TAF1B: variants seen among roughly 807,000 people sequenced by gnomAD.
The protein encoded by TAF1B is TATA-box binding protein associated factor, RNA polymerase I subunit B, also known as TATA box-binding protein-associated factor RNA polymerase I subunit B.
TAF1B carries 61 observed loss-of-function variants against 83.9 expected under a neutral mutation model. The ratio of observed to expected loss-of-function variants is 0.73; its 90% CI spans 0.59 to 0.90. TAF1B has a LOEUF of 0.90. TAF1B is among the 40% of genes least tolerant of loss of function. The pLI, the probability that TAF1B is intolerant of heterozygous loss-of-function variation, is 0.00. For missense variants in TAF1B, 625 were observed against 677.0 expected, an observed-to-expected ratio of 0.92 and a Z score of 0.85; for synonymous variants, 221 against 224.6, an observed-to-expected ratio of 0.98 and a Z score of 0.14.
chr2:9,866,940 G>C (rs1266668699), intron 5 of TAF1B, among the ~76,000 whole-genome samples: 1 of 151,972 alleles, frequency 6.6e-6, no homozygotes, highest in African/African-American at 2.4e-5. Context: ...CTGTTGTGGG[G>C]TGGGTGGAGG....
chr2:9,879,879 A>T (rs1182977889), intron 7 of TAF1B, among the ~76,000 whole-genome samples: 2 of 152,214 alleles, frequency 1.3e-5, no homozygotes, highest in Admixed American at 6.5e-5. Context: ...TATTTTCAGG[A>T]CATATCACTC....
intron 6 of TAF1B, chr2:9,868,728 T>C (rs1054459113): frequency 3.7e-6 from 2 of 539,950 alleles, no homozygotes; most frequent in African/African-American, 1.9e-5. Flanking sequence ...ATGTGTGGGC[T>C]CAGCGTCTTC....
At chr2:9,852,097 G>A in intron 4 of TAF1B, 1 of 464,330 alleles carries the variant, frequency 2.2e-6, no homozygotes, top group Admixed American at 2.4e-5. Context: ...GTTCACCTGA[G>A]TGCATCAGAA....
chr2:9,861,282 G>A (rs945184659), intron 5 of TAF1B, among the ~76,000 whole-genome samples: 1 of 152,238 alleles, frequency 6.6e-6, no homozygotes, highest in South Asian at 2.1e-4. Flanking sequence ...CTTAACAAAC[G>A]GCACACCAGG....
chr2:9,893,204 T>A (rs1664923004), intron 8 of TAF1B, among the ~76,000 whole-genome samples: 1 of 152,230 alleles, frequency 6.6e-6, no homozygotes, highest in Admixed American at 6.5e-5. Context: ...TAGCATTTTA[T>A]GCCATTGTTT....
chr2:9,903,492 A>G (rs368691364), intron 8 of TAF1B, among the ~76,000 whole-genome samples: 1 of 152,346 alleles, frequency 6.6e-6, no homozygotes, highest in East Asian at 1.9e-4. Context: ...GGTATATGCA[A>G]AAAACTTCGA....
At chr2:9,926,732 G>A (rs1253522577) in intron 14 of TAF1B, among the ~76,000 whole-genome samples, 3 of 151,642 alleles carry the variant, frequency 2.0e-5, no homozygotes, top group African/African-American at 7.3e-5. Flanking sequence ...CCAGCTACTT[G>A]GGGGGCTGAG....
At chr2:9,913,276 C>T in intron 12 of TAF1B, 27 bp downstream of exon 12, 9 of 1,556,360 alleles carry the variant, frequency 5.8e-6, no homozygotes, top group Non-Finnish European at 8.0e-6. Context: ...GGTTTAGATG[C>T]ACCTGCCTTA....
At chr2:9,846,522 G>A (rs1663212217) in intron 2 of TAF1B, among the ~76,000 whole-genome samples, 1 of 152,222 alleles carries the variant, frequency 6.6e-6, no homozygotes, top group South Asian at 2.1e-4. Flanking sequence ...GTAGACTTCT[G>A]CTTCTGGCTA....
chr2:9,867,941 A>G (rs1038688945), intron 5 of TAF1B, among the ~76,000 whole-genome samples: 3 of 152,128 alleles, frequency 2.0e-5, no homozygotes, highest in Non-Finnish European at 4.4e-5. Flanking sequence ...GGTTTGGTAA[A>G]AAGAAGCCAG....
intron 9 of TAF1B, among the ~76,000 whole-genome samples, chr2:9,909,755 C>G (rs1249853793): frequency 6.6e-6 from 1 of 152,196 alleles, no homozygotes; most frequent in African/African-American, 2.4e-5. Context: ...AGCTATGAAG[C>G]AGGTACTATT....
At chr2:9,864,473 G>C (rs1180670171) in intron 5 of TAF1B, among the ~76,000 whole-genome samples, 1 of 152,136 alleles carries the variant, frequency 6.6e-6, no homozygotes, top group Non-Finnish European at 1.5e-5. Context: ...AAAAAGTCCA[G>C]GACCAGATGG....
At chr2:9,886,932 G>A (rs1422658907) in intron 8 of TAF1B, among the ~76,000 whole-genome samples, 3 of 152,138 alleles carry the variant, frequency 2.0e-5, no homozygotes, top group African/African-American at 7.2e-5. Context: ...GAGCGTGGTG[G>A]CGCACAGCTT....
chr2:9,888,311 A>ATTT (rs34112216), intron 8 of TAF1B, among the ~76,000 whole-genome samples: 307 of 149,808 alleles, frequency 2.0e-3, no homozygotes, highest in Middle Eastern at 6.9e-3. Context: ...ATGCATTGGG[A>ATTT]TTTTTTTTTT....
chr2:9,845,386 G>T (rs1663172512), intron 2 of TAF1B, 68 bp downstream of exon 2: 2 of 1,288,446 alleles, frequency 1.6e-6, no homozygotes, highest in Non-Finnish European at 1.1e-6. Flanking sequence ...CTGATATGTA[G>T]TCTAAGTCCC....
At chr2:9,871,436 T>G (rs1472961936) in intron 6 of TAF1B, among the ~76,000 whole-genome samples, 4 of 152,152 alleles carry the variant, frequency 2.6e-5, no homozygotes, top group Non-Finnish European at 5.9e-5. Context: ...TTGTTGGAAT[T>G]TTTTATTTTC....
intron 5 of TAF1B, among the ~76,000 whole-genome samples, chr2:9,867,167 T>TTTTTATTATACTTTAAGTTTTA (rs1664008461): frequency 6.6e-6 from 1 of 152,198 alleles, no homozygotes; most frequent in Non-Finnish European, 1.5e-5. Flanking sequence ...AAGAAAAATT[T>TTTTTATTATACTTTAAGTTTTA]GCAATGGAGA....
intron 14 of TAF1B, among the ~76,000 whole-genome samples, chr2:9,932,908 G>A (rs1666261176): frequency 6.6e-6 from 1 of 152,240 alleles, no homozygotes; most frequent in African/African-American, 2.4e-5. Flanking sequence ...CCAGGCTGCT[G>A]CCTCGCAGGT....
chr2:9,860,832 A>G (rs1397670192), intron 5 of TAF1B, among the ~76,000 whole-genome samples: 1 of 152,244 alleles, frequency 6.6e-6, no homozygotes, highest in East Asian at 1.9e-4. Flanking sequence ...GGAATGGAAT[A>G]TAAGGTAGAC....
Sources: allele counts gnomAD v4.1 joint callset (sites outside exome capture counted in the v4.1 genomes callset), GRCh38; gene constraint gnomAD v4.1.1; transcripts MANE v1.5; gene names NCBI Gene and HGNC (gene_info 2026-07-23, HGNC 2026-07-21).